RTL4: variants seen among roughly 807,000 people sequenced by gnomAD.
The protein encoded by RTL4 is retrotransposon Gag-like protein 4.
In RTL4, 4 loss-of-function variants were observed where a neutral mutation model predicts 5.3. The observed-to-expected ratio is 0.75, with a 90% confidence interval of 0.37 to 1.72. RTL4 has a LOEUF of 1.72. Among genes scored for constraint, RTL4 ranks in the 40% most tolerant of loss-of-function variants. The pLI, the probability that RTL4 is intolerant of heterozygous loss-of-function variation, is 0.04. For missense variants in RTL4, 260 were observed against 227.1 expected, an observed-to-expected ratio of 1.14 and a Z score of -0.93; for synonymous variants, 98 against 87.3, an observed-to-expected ratio of 1.12 and a Z score of -0.68.
At chrX:112,113,671 G>T in the RTL4 span, among the ~76,000 whole-genome samples, 2 of 111,778 alleles carry the variant, frequency 1.8e-5, no homozygotes, top group Non-Finnish European at 3.8e-5. Context: ...CTGGCCCAGA[G>T]AACCTTTGTC....
At chrX:112,175,984 T>C in the RTL4 span, among the ~76,000 whole-genome samples, 6 of 110,434 alleles carry the variant, frequency 5.4e-5, no homozygotes, top group South Asian at 3.8e-4. Flanking sequence ...AAAACCCCAT[T>C]GTCTCAGCCC....
At chrX:112,438,110 T>C in the RTL4 span, among the ~76,000 whole-genome samples, 1 of 111,431 alleles carries the variant, frequency 9.0e-6, no homozygotes, top group Non-Finnish European at 1.9e-5. Context: ...TCACATAGTT[T>C]CTGTGGGTAA....
At chrX:112,366,740 T>C in the RTL4 span, among the ~76,000 whole-genome samples, 2 of 112,197 alleles carry the variant, frequency 1.8e-5, no homozygotes, top group Admixed American at 1.9e-4. Context: ...GTTTGCAGCA[T>C]GCACAGACAA....
the RTL4 span, among the ~76,000 whole-genome samples, chrX:112,380,940 C>T: frequency 1.8e-5 from 2 of 111,605 alleles, no homozygotes; most frequent in Non-Finnish European, 3.8e-5. Context: ...AAACGAGGAG[C>T]ATGCCTGTCA....
chrX:112,116,160 A>T, the RTL4 span, among the ~76,000 whole-genome samples: 2 of 111,970 alleles, frequency 1.8e-5, no homozygotes, highest in Non-Finnish European at 3.8e-5. Flanking sequence ...TGGCTGACAG[A>T]TGCCCGGCCT....
At chrX:112,136,763 A>G in the RTL4 span, among the ~76,000 whole-genome samples, 1 of 111,883 alleles carries the variant, frequency 8.9e-6, no homozygotes, top group African/African-American at 3.2e-5. Context: ...AGCTAGAGGC[A>G]CCATACTTCC....
chrX:112,180,889 A>G, the RTL4 span, among the ~76,000 whole-genome samples: 1 of 112,334 alleles, frequency 8.9e-6, no homozygotes, highest in Admixed American at 9.4e-5. Context: ...GATGGCTGGC[A>G]AGATGGCCGA....
Position 112,455,136 on chromosome X carries a change from T to A in RTL4, c.408T>A (p.Phe136Leu), listed in dbSNP as rs756712014. The A allele has an allele frequency of 2.5e-6, 3 of 1,210,291 alleles. No individual in the cohort carries two copies. The African/African-American group carries it at 5.2e-5, about 21-fold the overall frequency. The change falls in exon 1 of 1, where the codon TTT (phenylalanine) becomes TTA (leucine). Residue 136 changes from phenylalanine (F) to leucine (L), a missense_variant. Coordinates refer to ENST00000340433, the Ensembl canonical transcript of RTL4. ...TTATTCTTGAGTTCCAGCAGTCATT[T>A]GGTAAACCCACAAAACAGGAAATCA...
the RTL4 span, among the ~76,000 whole-genome samples, chrX:112,349,774 G>A: frequency 0.17 from 15,873 of 93,386 alleles, 1,113 homozygotes; most frequent in Admixed American, 0.25. Context: ...CTGAGACAAT[G>A]GGGTTTTCTA....
At chrX:112,260,925 A>T in the RTL4 span, among the ~76,000 whole-genome samples, 1 of 111,934 alleles carries the variant, frequency 8.9e-6, no homozygotes, top group Admixed American at 9.5e-5. Context: ...ATCCAGTCTC[A>T]TTCAGAACAC....
chrX:112,394,735 A>T, the RTL4 span, among the ~76,000 whole-genome samples: 1 of 112,235 alleles, frequency 8.9e-6, no homozygotes, highest in Non-Finnish European at 1.9e-5. Context: ...TTTTATAAGA[A>T]GTGAAGATAC....
the RTL4 span, among the ~76,000 whole-genome samples, chrX:112,404,292 A>C: frequency 8.9e-6 from 1 of 112,162 alleles, no homozygotes; most frequent in Non-Finnish European, 1.9e-5. Flanking sequence ...TTATACCTGC[A>C]TCTCTATCAA....
At chrX:112,340,699 A>G in the RTL4 span, among the ~76,000 whole-genome samples, 1 of 109,328 alleles carries the variant, frequency 9.1e-6, no homozygotes, top group African/African-American at 3.3e-5. Context: ...TTTTTCCTCT[A>G]TTAAGGAGGA....
the RTL4 span, chrX:112,381,666 A>G: frequency 8.3e-7 from 1 of 1,208,822 alleles, no homozygotes; most frequent in Non-Finnish European, 1.1e-6. Context: ...GCGCTCTTGC[A>G]AAAGGAAAAT....
chrX:112,426,022 G>T, the RTL4 span, among the ~76,000 whole-genome samples: 1 of 111,408 alleles, frequency 9.0e-6, no homozygotes, highest in Non-Finnish European at 1.9e-5. Flanking sequence ...GGTCATAAAG[G>T]TTTTCTCCTA....
At chrX:112,409,929 G>C in the RTL4 span, among the ~76,000 whole-genome samples, 4 of 102,069 alleles carry the variant, frequency 3.9e-5, no homozygotes, top group African/African-American at 1.4e-4. Flanking sequence ...AAGACATAAA[G>C]TGGATGAATG....
the RTL4 span, among the ~76,000 whole-genome samples, chrX:112,363,651 C>T: frequency 2.7e-5 from 3 of 111,551 alleles, no homozygotes; most frequent in Admixed American, 1.9e-4. Flanking sequence ...ACTCCCTGTT[C>T]AATTACACTC....
chrX:112,324,644 T>A, the RTL4 span, among the ~76,000 whole-genome samples: 1 of 111,714 alleles, frequency 9.0e-6, no homozygotes, highest in Non-Finnish European at 1.9e-5. Context: ...GTTTTGAATG[T>A]TGTGTTTTAA....
chrX:112,124,293 C>T, the RTL4 span, among the ~76,000 whole-genome samples: 21 of 111,694 alleles, frequency 1.9e-4, no homozygotes, highest in African/African-American at 6.2e-4. Context: ...CCAGAAATAC[C>T]ATTTAACCTA....
Sources: gnomAD v4.1 joint callset for allele counts (sites outside exome capture counted in the v4.1 genomes callset) on GRCh38, gnomAD v4.1.1 for gene constraint, MANE v1.5 for transcripts, NCBI Gene and HGNC (gene_info 2026-07-23, HGNC 2026-07-21) for gene names.